The following RELN variants were observed in gnomAD, a reference collection of about 807,000 sequenced individuals.
The protein encoded by RELN is reelin.
A neutral mutation model predicts 427.6 loss-of-function variants in RELN; 108 were observed. The ratio of observed to expected loss-of-function variants is 0.25; its 90% confidence interval spans 0.22 to 0.30. The LOEUF (loss-of-function observed/expected upper bound fraction) is 0.30, where lower values mean the gene tolerates loss of function less well. RELN is among the 10% of genes least tolerant of loss of function. The pLI is 1.00. For synonymous variants in RELN, 1,524 were observed against 1,513.4 expected (o/e 1.01, Z -0.16); for missense variants, 3,715 against 4,302.8 (o/e 0.86, Z 3.82).
intron 2 of RELN, among the ~76,000 whole-genome samples, chr7:103,845,813 G>T (rs948044885): frequency 6.6e-6 from 1 of 152,214 alleles, no homozygotes; most frequent in African/African-American, 2.4e-5. Context: ...TACAAGGGAC[G>T]TGAAGGACCT....
chr7:103,625,441 G>A (rs138617327), intron 20 of RELN, among the ~76,000 whole-genome samples: 1 of 152,198 alleles, frequency 6.6e-6, no homozygotes, highest in African/African-American at 2.4e-5. Context: ...ATGCTCTTTT[G>A]TATTGCTCAG....
At chr7:103,933,420 C>T (rs894593765) in intron 1 of RELN, among the ~76,000 whole-genome samples, 1 of 140,820 alleles carries the variant, frequency 7.1e-6, no homozygotes, top group African/African-American at 2.6e-5. Flanking sequence ...TTTGGCCAGG[C>T]ATAGTCACTC....
intron 60 of RELN, 51 bp from the exon 61 acceptor site, chr7:103,486,467 T>C: frequency 7.3e-7 from 1 of 1,374,340 alleles, no homozygotes; most frequent in African/African-American, 1.4e-5. Context: ...CCAGAGTCAT[T>C]CAAGATTAAG....
intron 8 of RELN, among the ~76,000 whole-genome samples, chr7:103,716,661 T>C (rs1789945830): frequency 6.6e-6 from 1 of 152,190 alleles, no homozygotes. Context: ...AGTTACATTG[T>C]TTTTAGTTCT....
At chr7:103,957,717 T>G (rs910587890) in intron 1 of RELN, among the ~76,000 whole-genome samples, 3 of 152,198 alleles carry the variant, frequency 2.0e-5, no homozygotes, top group African/African-American at 7.2e-5. Context: ...ATTTTACATG[T>G]GTTGGAATAC....
At chr7:103,897,353 C>T (rs922775078) in intron 2 of RELN, among the ~76,000 whole-genome samples, 3 of 152,126 alleles carry the variant, frequency 2.0e-5, no homozygotes, top group Non-Finnish European at 4.4e-5. Flanking sequence ...CACTTGGTGA[C>T]ATCAGCTTTG....
At chr7:103,907,657 C>A (rs1443347143) in intron 2 of RELN, among the ~76,000 whole-genome samples, 2 of 151,528 alleles carry the variant, frequency 1.3e-5, no homozygotes, top group African/African-American at 4.8e-5. Flanking sequence ...TGTGAATATA[C>A]TGCAAATCAT....
At chr7:103,821,816 T>C (rs1299730831) in intron 3 of RELN, among the ~76,000 whole-genome samples, 1 of 152,174 alleles carries the variant, frequency 6.6e-6, no homozygotes, top group Non-Finnish European at 1.5e-5. Context: ...ACTGTTTATC[T>C]TTCCTATAAA....
chr7:103,472,633 G>A lies in RELN; in HGVS notation c.*179C>T. 1 of 605,046 alleles carries A rather than the reference G, an allele frequency of 1.7e-6. No individual in the cohort carries two copies. The highest frequency in any genetic ancestry group is 3.0e-6 in the Non-Finnish European group (1 of 335,658). The allele number at this position is 605,046 out of a possible 1,614,324, so 37.5% of individuals were successfully genotyped here. ...AAGACATTTACTTATGAGCAAATAAGTCACTTGTCATTAGTTCACAGTGTG... is the reference window on the plus strand; with the variant it reads ...AAGACATTTACTTATGAGCAAATAAATCACTTGTCATTAGTTCACAGTGTG... On this transcript the variant is annotated 3_prime_UTR_variant, in exon 65 of 65. Coordinates refer to ENST00000428762, the MANE Select transcript of RELN (RefSeq NM_005045.4).
chr7:103,749,317 G>T (rs1790934168), intron 6 of RELN, 109 bp downstream of exon 6: 1 of 845,032 alleles, frequency 1.2e-6, no homozygotes, highest in Non-Finnish European at 2.1e-6. Flanking sequence ...CTCACTGATA[G>T]CTTAGCACTA....
intron 4 of RELN, among the ~76,000 whole-genome samples, chr7:103,765,118 G>A (rs550373700): frequency 2.5e-3 from 384 of 152,120 alleles, no homozygotes; most frequent in African/African-American, 8.9e-3. Flanking sequence ...AAACATGGCC[G>A]GGGGTACCCG....
chr7:103,940,274 T>C (rs1029801456), intron 1 of RELN, among the ~76,000 whole-genome samples: 1 of 152,220 alleles, frequency 6.6e-6, no homozygotes, highest in Non-Finnish European at 1.5e-5. Context: ...TCACTCTCCT[T>C]ATCTGTAAAA....
At chr7:103,541,802 CAAATT>C (rs1830182441) in intron 43 of RELN, among the ~76,000 whole-genome samples, 1 of 152,034 alleles carries the variant, frequency 6.6e-6, no homozygotes, top group African/African-American at 2.4e-5. Flanking sequence ...TAAGGAACAT[CAAATT>C]AAACTATATG....
chr7:103,931,641 C>T (rs1431369074), intron 1 of RELN, among the ~76,000 whole-genome samples: 2 of 152,332 alleles, frequency 1.3e-5, no homozygotes, highest in East Asian at 3.9e-4. Context: ...CCTTATGACT[C>T]TTCTATCTTG....
intron 1 of RELN, among the ~76,000 whole-genome samples, chr7:103,979,744 T>C (rs576030455): frequency 9.8e-5 from 15 of 152,322 alleles, no homozygotes; most frequent in Non-Finnish European, 2.1e-4. Flanking sequence ...GAGAGGAATA[T>C]ACAATAGATG....
chr7:103,954,461 C>T (rs1796395305), intron 1 of RELN, among the ~76,000 whole-genome samples: 1 of 152,010 alleles, frequency 6.6e-6, no homozygotes, highest in African/African-American at 2.4e-5. Context: ...TGTGTGTGCA[C>T]ACACATGCAT....
chr7:103,773,887 T>C (rs1358749052), intron 4 of RELN, among the ~76,000 whole-genome samples: 1 of 152,188 alleles, frequency 6.6e-6, no homozygotes. Flanking sequence ...GTCATTTGTA[T>C]CTTAGCCTGT....
At chr7:103,657,680 G>A (rs67823578) in intron 12 of RELN, among the ~76,000 whole-genome samples, 21,062 of 152,090 alleles carry the variant, frequency 0.14, 1,556 homozygotes, top group Middle Eastern at 0.29. Context: ...AAGGAGCCAA[G>A]ACTTTAAAAT....
chr7:103,834,548 G>T (rs39369), intron 2 of RELN, among the ~76,000 whole-genome samples: 55,064 of 151,902 alleles, frequency 0.36, 10,445 homozygotes, highest in Non-Finnish European at 0.42. Context: ...TTCTAATAAG[G>T]TGATTATCTT....
Sources: allele counts gnomAD v4.1 joint callset (sites outside exome capture counted in the v4.1 genomes callset), GRCh38; gene constraint gnomAD v4.1.1; transcripts MANE v1.5; gene names NCBI Gene and HGNC (gene_info 2026-07-23, HGNC 2026-07-21).